Variants in ABHD8 observed in about 807,000 individuals in gnomAD.
ABHD8 encodes abhydrolase domain containing 8.
Under a neutral mutation model 29.3 loss-of-function variants are expected in ABHD8, and 10 were observed. The ratio of observed to expected loss-of-function variants is 0.34; its 90% CI spans 0.21 to 0.58. The LOEUF is 0.58. ABHD8 is among the 20% of genes least tolerant of loss of function. The pLI is 0.85. For synonymous variants in ABHD8, 282 were observed against 274.6 expected (o/e 1.03, Z -0.27); for missense variants, 556 against 615.3 (o/e 0.90, Z 1.02).
Position 17,292,265 on chromosome 19 carries a change from A to C in ABHD8, c.*396T>G. The stretch of plus-strand genomic sequence containing the variant: ...ATGGGGGGTAGGAAGGGTCTCGGAT[A>C]ACGGGATGGGGCCTCGAGGGTCCCT... On this transcript the variant is annotated 3_prime_UTR_variant, in exon 5 of 5. Transcript: ENST00000247706. 7.2e-6 allele frequency: 2 copies of C among 278,908 alleles called. No individual in the cohort carries two copies. The highest frequency in any genetic ancestry group is 6.7e-6 in the Non-Finnish European group (1 of 149,422). The allele number at this position is 278,908 out of a possible 1,614,324, so 17.3% of individuals were successfully genotyped here.
intron 2 of ABHD8, among the ~76,000 whole-genome samples, chr19:17,295,263 G>A (rs560569524): frequency 5.5e-4 from 83 of 150,166 alleles, no homozygotes; most frequent in Non-Finnish European, 8.6e-4. Flanking sequence ...CCGCCACCGC[G>A]CCCGGCTAAT....
In ABHD8 at chr19:17,294,616, G is replaced by A. The variant is rs2074085455; in HGVS notation, c.932+59C>T. 6 of 1,607,178 alleles carry A rather than the reference G, an allele frequency of 3.7e-6. No homozygotes were observed. In the East Asian group the frequency reaches 8.9e-5, roughly 24 times the overall value. ...TACAGTCCCCCCTCCCATCCAACTC[G>A]AGCAGATGCCTGGGTTCGCCAGGGC... On this transcript the variant is annotated intron_variant, in intron 3 of 4. Coordinates refer to ENST00000247706, the MANE Select transcript of ABHD8 (RefSeq NM_024527.5).
intron 3 of ABHD8, 83 bp downstream of exon 3, chr19:17,294,592 A>G: frequency 6.2e-7 from 1 of 1,607,422 alleles, no homozygotes; most frequent in South Asian, 1.1e-5. Flanking sequence ...TCCCAGCGGT[A>G]CAGTCCCCCC....
At chr19:17,299,237 C>CA (rs879790329) in intron 2 of ABHD8, among the ~76,000 whole-genome samples, 2,044 of 142,662 alleles carry the variant, frequency 0.014, 54 homozygotes, top group Non-Finnish European at 0.016. Context: ...TAATGAGACC[C>CA]CCCCCCCATT....
intron 2 of ABHD8, among the ~76,000 whole-genome samples, 165 bp downstream of exon 2, chr19:17,300,691 T>C (rs186351714): frequency 2.1e-4 from 32 of 152,228 alleles, no homozygotes; most frequent in Non-Finnish European, 3.8e-4. Flanking sequence ...TTGGCCAGAC[T>C]GTTCCCGAAC....
intron 2 of ABHD8, chr19:17,297,832 G>A (rs1487551074): frequency 6.6e-6 from 1 of 150,450 alleles, no homozygotes; most frequent in Non-Finnish European, 1.5e-5. Flanking sequence ...CTCAGCTATA[G>A]CAGTCCTCCC....
At chr19:17,298,262 G>A (rs941205934) in intron 2 of ABHD8, 3 of 152,020 alleles carry the variant, frequency 2.0e-5, no homozygotes, top group African/African-American at 7.2e-5. Flanking sequence ...CTAAAACAGT[G>A]GTGCTCAACT....
rs1223479129 is a variant in ABHD8, at chr19:17,300,950, C to A, written c.667G>T (p.Ala223Ser). 2 of 1,613,496 alleles carry A rather than the reference C, an allele frequency of 1.2e-6. No homozygotes were observed. Among genetic ancestry groups the A allele is most frequent in the South Asian group, 1.1e-5 (1 of 91,078 alleles). ...GCCAGCGCATAGAAGGTGTAGGCTG[C>A]GGCCACCTGGGGCGCAGAGCTGGCC... The part of the protein sequence containing the change: ...HGASSAPQVA[A>S]AYTFYALAED... The change falls in exon 2 of 5, where the codon GCA becomes TCA. Residue 223 changes from alanine (A) to serine (S), a missense_variant. Physicochemically the swap from Ala to Ser is moderately conservative, Grantham distance 99. This residue lies in a region of ABHD8 where 270 missense variants were observed against 353.9 expected (regional missense o/e 0.76). Transcript: ENST00000247706.
At chr19:17,300,821 C>A in intron 2 of ABHD8, 35 bp downstream of exon 2, 1 of 1,551,886 alleles carries the variant, frequency 6.4e-7, no homozygotes, top group Non-Finnish European at 8.7e-7. Flanking sequence ...TGACCCCATC[C>A]CTCACCCCCA....
In ABHD8 at chr19:17,292,709, G is replaced by A. The variant is rs566328369; in HGVS notation, c.1272C>T (p.Pro424=). 6.2e-7 allele frequency: 1 copy of A among 1,613,238 alleles called. No individual in the cohort carries two copies. The highest frequency in any genetic ancestry group is 1.1e-5 in the South Asian group (1 of 90,940). Reference sequence around the variant, plus strand: ...CCGGCAGTGGCTCCGGTAGAGCCTTGGGCGAGGGCTCGGGCTCCCAGAGCA... The same window carrying A: ...CCGGCAGTGGCTCCGGTAGAGCCTTAGGCGAGGGCTCGGGCTCCCAGAGCA... ...EFLLWEPEPS[P]KALPEPLPAP... is the part of the protein sequence containing the mutation. Residue 424 remains proline (P), a synonymous_variant, in exon 5 of 5, where the codon CCC becomes CCT. Coordinates refer to ENST00000247706, the MANE Select transcript of ABHD8 (RefSeq NM_024527.5).
chr19:17,295,301 T>G (rs1599522729), intron 2 of ABHD8, among the ~76,000 whole-genome samples: 1 of 151,972 alleles, frequency 6.6e-6, no homozygotes, highest in South Asian at 2.1e-4. Context: ...GAGATGGGGT[T>G]TCACCATGTT....
In ABHD8 at chr19:17,294,784, T is replaced by G; in HGVS notation, c.823A>C (p.Ile275Leu). Reference sequence around the variant, plus strand: ...AGCGCCGTAGGGCCCCCGCCATTGATCATGATCACCTTGTGCACTAGGTCT... The same window carrying G: ...AGCGCCGTAGGGCCCCCGCCATTGAGCATGATCACCTTGTGCACTAGGTCT... Reference protein sequence around the residue: ...YPDLVHKVIMINGGGPTALEP... With the variant: ...YPDLVHKVIMLNGGGPTALEP... Residue 275 changes from isoleucine to leucine, a missense_variant, in exon 3 of 5, where the codon ATC becomes CTC. By Grantham distance (5) the Ile-to-Leu change is conservative. Transcript: ENST00000247706. The G allele has an allele frequency of 1.9e-6, 3 of 1,614,246 alleles. No homozygotes were observed. Among genetic ancestry groups the G allele is most frequent in the Non-Finnish European group, 2.5e-6 (3 of 1,180,048 alleles).
At chr19:17,297,826 G>A (rs922356980) in intron 2 of ABHD8, 3 of 150,266 alleles carry the variant, frequency 2.0e-5, no homozygotes, top group African/African-American at 7.4e-5. Flanking sequence ...GAACTCCTCA[G>A]CTATAGCAGT....
rs2074074657 is a variant in ABHD8, at chr19:17,292,478, T to G, written c.*183A>C. 2 of 670,292 alleles carry G rather than the reference T, an allele frequency of 3.0e-6. No individual in the cohort carries two copies. Among genetic ancestry groups the G allele is most frequent in the Admixed American group, 3.7e-5 (1 of 27,190 alleles). 41.5% of individuals were successfully genotyped at this position (670,292 alleles called of 1,614,324 possible). On this transcript the variant is annotated 3_prime_UTR_variant, in exon 5 of 5. Coordinates refer to ENST00000247706, the MANE Select transcript of ABHD8 (RefSeq NM_024527.5). ...CGCGGGACGGAAGCGGAGAGCGGAA[T>G]GTCCGCTGGGCTCCCTCGGATGCCA...
chr19:17,294,619 C>A, intron 3 of ABHD8, 56 bp downstream of exon 3: 1 of 1,607,782 alleles, frequency 6.2e-7, no homozygotes. Context: ...CCAACTCGAG[C>A]AGATGCCTGG....
chr19:17,301,729 T>A (rs1319862911), intron 1 of ABHD8, 105 bp from the exon 2 acceptor site: 2 of 1,328,900 alleles, frequency 1.5e-6, no homozygotes, highest in Admixed American at 3.3e-5. Context: ...AGACTCCAGT[T>A]TGGGGAGCGC....
In ABHD8 at chr19:17,292,823, G is replaced by A; in HGVS notation, c.1158C>T (p.Leu386=). Residue 386 remains leucine, a synonymous_variant, in exon 5 of 5, where the codon CTC becomes CTT. Transcript: ENST00000247706. ...CGTCGATGAGCTTCAGGAATGCCAG[G>A]AGCAGGATCTGCAGAAGACGCAGGG... ...EEDQRMAEIL[L]LAFLKLIDEG... The A allele has an allele frequency of 1.9e-6, 3 of 1,612,312 alleles. No homozygotes were observed. The highest frequency in any genetic ancestry group is 2.5e-6 in the Non-Finnish European group (3 of 1,179,016).
Position 17,301,072 on chromosome 19 carries a change from T to G in ABHD8, c.545A>C (p.His182Pro). 6.2e-7 allele frequency: 1 copy of G among 1,613,562 alleles called. No homozygotes were observed. Among genetic ancestry groups the G allele is most frequent in the Non-Finnish European group, 8.5e-7 (1 of 1,180,030 alleles). The change falls in exon 2 of 5, where the codon CAT (histidine) becomes CCT (proline). Residue 182 changes from histidine to proline, a missense_variant. Transcript: ENST00000247706. ...AQADVVLFFI[H>P]GVGGSLAIWK... is the part of the protein sequence containing the mutation. ...GATGGCCAGGGAACCGCCGACACCA[T>G]GGATGAAAAAGAGCACCACGTCGGC... is the stretch of plus-strand genomic sequence containing the variant.
rs753900162 is a variant in ABHD8 at position 17,294,860 on chromosome 19, T to TG, written c.762-16dup. 6.2e-7 allele frequency: 1 copy of TG among 1,611,234 alleles called. No homozygotes were observed. Among genetic ancestry groups the TG allele is most frequent in the South Asian group, 1.1e-5 (1 of 91,014 alleles). On this transcript the variant is annotated splice_polypyrimidine_tract_variant and intron_variant, in intron 2 of 4. Coordinates refer to ENST00000247706, the MANE Select transcript of ABHD8 (RefSeq NM_024527.5). ...AGAAAGAGACACTGCCCGGAACGGG[T>TG]GGGGTGATAGGAGGATTGAAGGGAG...
Sources: gnomAD v4.1 joint callset for allele counts (sites outside exome capture counted in the v4.1 genomes callset) on GRCh38, gnomAD v4.1.1 for gene constraint, gnomAD v4.1.1 regional missense constraint, MANE v1.5 for transcripts, NCBI Gene and HGNC (gene_info 2026-07-23, HGNC 2026-07-21) for gene names.